Variants in SRBD1 observed in about 807,000 individuals in gnomAD.
SRBD1 encodes S1 RNA binding domain 1.
In SRBD1, 88 loss-of-function variants were observed where a neutral mutation model predicts 115.3. The ratio of observed to expected loss-of-function variants is 0.76; its 90% CI spans 0.64 to 0.91. The LOEUF is 0.91. Ranked by LOEUF, SRBD1 falls within the 40% of genes least tolerant of loss-of-function variation. The probability of loss-of-function intolerance (pLI) is 0.00; values close to 1 mark genes in which losing one functional copy is unlikely to be tolerated. For missense variants in SRBD1, 1,385 were observed against 1,177.4 expected (o/e 1.18, Z -2.58); for synonymous variants, 509 against 407.7 (o/e 1.25, Z -2.99).
rs565817007 is a variant in SRBD1 at position 45,447,918 on chromosome 2, C to T, written c.2050-28024G>A. The stretch of plus-strand genomic sequence containing the variant: ...TTTCTCTCCATATCTTAACATACAA[C>T]ATACAACTACTATACATTTAAAATA... On this transcript the variant is annotated intron_variant, in intron 16 of 20. Transcript: ENST00000263736. 3.3e-5 allele frequency: 5 copies of T among 152,276 alleles called. No homozygotes were observed. The East Asian group carries it at 9.6e-4, about 29-fold the overall frequency. The allele number at this position is 152,276 out of a possible 1,614,324, so 9.4% of individuals were successfully genotyped here.
chr2:45,477,214 A>G, intron 15 of SRBD1, 139 bp from the exon 16 acceptor site: 1 of 658,824 alleles, frequency 1.5e-6, no homozygotes. Context: ...CAACAATTTA[A>G]ATTTCAAAGT....
At chr2:45,499,259 T>C (rs1453066024) in intron 14 of SRBD1, among the ~76,000 whole-genome samples, 1 of 152,212 alleles carries the variant, frequency 6.6e-6, no homozygotes, top group African/African-American at 2.4e-5. Flanking sequence ...ATGCTTAGCA[T>C]TTCTTTAATA....
chr2:45,490,264 G>A (rs115534242), intron 14 of SRBD1, among the ~76,000 whole-genome samples: 20 of 151,970 alleles, frequency 1.3e-4, no homozygotes, highest in African/African-American at 4.8e-4. Flanking sequence ...TCCTAACCAG[G>A]GGCCCTTGGA....
At chr2:45,600,664 C>T (rs1302075717) in intron 3 of SRBD1, among the ~76,000 whole-genome samples, 4 of 152,168 alleles carry the variant, frequency 2.6e-5, no homozygotes, top group Admixed American at 1.3e-4. Context: ...CACTGCCCCC[C>T]AATCCAAGTG....
chr2:45,510,031 A>C (rs1670919493), intron 14 of SRBD1, among the ~76,000 whole-genome samples: 1 of 152,214 alleles, frequency 6.6e-6, no homozygotes. Flanking sequence ...CACCATGCCC[A>C]GCTAGATATT....
chr2:45,577,781 G>T (rs1010238426), intron 7 of SRBD1, among the ~76,000 whole-genome samples: 2 of 152,018 alleles, frequency 1.3e-5, no homozygotes, highest in African/African-American at 4.8e-5. Flanking sequence ...TAACATAAAG[G>T]AGGAGGAGAC....
chr2:45,599,425 G>C, intron 4 of SRBD1, 24 bp downstream of exon 4: 2 of 1,595,590 alleles, frequency 1.3e-6, no homozygotes, highest in Non-Finnish European at 1.7e-6. Context: ...AACAACTAAA[G>C]TGACAGAAAA....
intron 16 of SRBD1, among the ~76,000 whole-genome samples, chr2:45,435,594 T>G (rs1465602492): frequency 1.4e-5 from 2 of 146,904 alleles, no homozygotes; most frequent in Admixed American, 1.4e-4. Flanking sequence ...AACAGCTGCC[T>G]GTGAGTTGGC....
chr2:45,522,132 T>G (rs1012252715), intron 14 of SRBD1, among the ~76,000 whole-genome samples: 3 of 151,944 alleles, frequency 2.0e-5, no homozygotes, highest in Non-Finnish European at 4.4e-5. Context: ...AAATATCGTA[T>G]AGATTGAGCA....
intron 16 of SRBD1, among the ~76,000 whole-genome samples, chr2:45,440,539 A>C (rs544806283): frequency 6.6e-6 from 1 of 152,320 alleles, no homozygotes; most frequent in Non-Finnish European, 1.5e-5. Context: ...ACTGGGCTAA[A>C]ACATAGTTCT....
intron 16 of SRBD1, among the ~76,000 whole-genome samples, chr2:45,442,218 C>A (rs1403949238): frequency 6.6e-6 from 1 of 152,170 alleles, no homozygotes; most frequent in Non-Finnish European, 1.5e-5. Flanking sequence ...TGTCATTTAC[C>A]ACAGACAGAT....
rs1212653370 is a variant in SRBD1 at position 45,611,201 on chromosome 2, G to GGC, written c.-1+16_-1+17dup. 4.6e-5 allele frequency: 7 copies of GGC among 152,240 alleles called. No individual in the cohort carries two copies. Among genetic ancestry groups the GGC allele is most frequent in the Admixed American group, 6.5e-5 (1 of 15,288 alleles). The allele number at this position is 152,240 out of a possible 1,614,324, so 9.4% of individuals were successfully genotyped here. A position where few individuals can be genotyped will look rare whatever the true frequency, so the allele number is the denominator to read the frequency against. Reference sequence around the variant, plus strand: ...TGAGAACCCGCAAGACGACCGCCAAGGCGCACGCACAGCTCACCTTCCCGC... The same window carrying GGC: ...TGAGAACCCGCAAGACGACCGCCAAGGCGCGCACGCACAGCTCACCTTCCCGC... On this transcript the variant is annotated intron_variant, in intron 1 of 20. Coordinates refer to ENST00000263736, the MANE Select transcript of SRBD1 (RefSeq NM_018079.5).
chr2:45,475,621 C>A (rs1034717656), intron 16 of SRBD1, among the ~76,000 whole-genome samples: 19 of 152,166 alleles, frequency 1.2e-4, no homozygotes, highest in African/African-American at 4.6e-4. Flanking sequence ...CACTATCTTG[C>A]CAAGATGCTC....
chr2:45,420,734 C>A (rs1396274400), intron 16 of SRBD1, among the ~76,000 whole-genome samples: 1 of 152,222 alleles, frequency 6.6e-6, no homozygotes, highest in Non-Finnish European at 1.5e-5. Context: ...TTTATACTAA[C>A]AAGATCCTTG....
chr2:45,437,579 T>G (rs987378586), intron 16 of SRBD1, among the ~76,000 whole-genome samples: 2 of 152,128 alleles, frequency 1.3e-5, no homozygotes, highest in Admixed American at 1.3e-4. Context: ...AAATGAATCA[T>G]AAGACAGACA....
At chr2:45,443,107 C>A (rs532967894) in intron 16 of SRBD1, among the ~76,000 whole-genome samples, 62 of 152,224 alleles carry the variant, frequency 4.1e-4, no homozygotes, top group African/African-American at 1.5e-3. Context: ...ATTCCAGAGA[C>A]AACGGGAACA....
chr2:45,527,116 C>T (rs989724885), intron 14 of SRBD1, among the ~76,000 whole-genome samples: 9 of 151,694 alleles, frequency 5.9e-5, no homozygotes, highest in African/African-American at 2.2e-4. Context: ...TATGGGAGTG[C>T]CTTATTCACA....
chr2:45,416,847 C>T (rs1435928141), intron 18 of SRBD1, among the ~76,000 whole-genome samples: 3 of 152,162 alleles, frequency 2.0e-5, no homozygotes, highest in East Asian at 1.9e-4. Flanking sequence ...GGCATGATCT[C>T]GGCTCACTGC....
intron 15 of SRBD1, among the ~76,000 whole-genome samples, chr2:45,485,491 A>C (rs1188496519): frequency 6.6e-6 from 1 of 152,174 alleles, no homozygotes; most frequent in Non-Finnish European, 1.5e-5. Context: ...ACATACACTC[A>C]ATCTTCCACT....
Sources: gnomAD v4.1 joint callset for allele counts (sites outside exome capture counted in the v4.1 genomes callset) on GRCh38, gnomAD v4.1.1 for gene constraint, MANE v1.5 for transcripts, NCBI Gene and HGNC (gene_info 2026-07-23, HGNC 2026-07-21) for gene names.